Variants in LGR6 observed in about 807,000 individuals in gnomAD.
LGR6 encodes the protein leucine-rich repeat-containing G protein-coupled receptor 6.
A neutral mutation model predicts 69.4 loss-of-function variants in LGR6; 45 were observed. The ratio of observed to expected loss-of-function variants is 0.65; its 90% CI spans 0.51 to 0.83. LGR6 has a LOEUF of 0.83. Among genes scored for constraint, LGR6 ranks in the 40% least tolerant of loss-of-function variants. LGR6 has a pLI of 0.00. For synonymous variants in LGR6, 538 were observed against 555.0 expected (o/e 0.97, Z 0.43); for missense variants, 1,108 against 1,246.7 (o/e 0.89, Z 1.68).
chr1:202,301,149 A>G lies in LGR6; in HGVS notation c.858-15A>G, dbSNP rs769069124. ...CTGAAAAACCCAATTAGGTGTTTGG[A>G]CCTTCTTCTTCCAGACACTTTTATG... On this transcript the variant is annotated splice_polypyrimidine_tract_variant and intron_variant, in intron 8 of 17. Transcript: ENST00000367278. 6.2e-7 allele frequency: 1 copy of G among 1,613,680 alleles called. No individual in the cohort carries two copies. Among genetic ancestry groups the G allele is most frequent in the Non-Finnish European group, 8.5e-7 (1 of 1,179,626 alleles).
chr1:202,308,164 A>C (rs1653412069), intron 14 of LGR6, among the ~76,000 whole-genome samples: 1 of 152,196 alleles, frequency 6.6e-6, no homozygotes, highest in African/African-American at 2.4e-5. Flanking sequence ...AAGGCCCAGG[A>C]GGAGAAGTTT....
chr1:202,209,898 T>A (rs1262784217), intron 1 of LGR6, among the ~76,000 whole-genome samples: 2 of 152,168 alleles, frequency 1.3e-5, no homozygotes, highest in Non-Finnish European at 2.9e-5. Context: ...CACTCTCTAC[T>A]CCATCTCCTA....
intron 6 of LGR6, among the ~76,000 whole-genome samples, chr1:202,283,082 A>G (rs994449631): frequency 1.3e-5 from 2 of 152,226 alleles, no homozygotes; most frequent in Non-Finnish European, 2.9e-5. Context: ...CTAATCTTAC[A>G]GGGTTGGCCT....
intron 2 of LGR6, among the ~76,000 whole-genome samples, chr1:202,225,701 T>A (rs910344145): frequency 3.0e-5 from 4 of 134,968 alleles, no homozygotes; most frequent in African/African-American, 9.9e-5. Context: ...GTCTAGGATC[T>A]AGCTTTCATT....
At chr1:202,270,454 A>G (rs567528929) in intron 4 of LGR6, among the ~76,000 whole-genome samples, 4 of 151,510 alleles carry the variant, frequency 2.6e-5, no homozygotes, top group Admixed American at 2.6e-4. Flanking sequence ...GTTGGTCAGG[A>G]TGGTCTTGAA....
At chr1:202,234,842 A>C (rs888154905) in intron 3 of LGR6, among the ~76,000 whole-genome samples, 1 of 152,124 alleles carries the variant, frequency 6.6e-6, no homozygotes, top group African/African-American at 2.4e-5. Flanking sequence ...TCCCCCTCTG[A>C]AAGATGGATG....
chr1:202,197,018 T>C (rs763569785), intron 1 of LGR6: 8 of 532,986 alleles, frequency 1.5e-5, no homozygotes, highest in South Asian at 1.1e-4. Context: ...CACTTGGACA[T>C]GCAGGAAGTA....
At chr1:202,229,949 A>G (rs902025149) in intron 3 of LGR6, among the ~76,000 whole-genome samples, 2 of 152,222 alleles carry the variant, frequency 1.3e-5, no homozygotes, top group African/African-American at 2.4e-5. Context: ...TCTGATGTCA[A>G]TTTCCCTCGT....
At chr1:202,236,811 C>A (rs1661602647) in intron 4 of LGR6, among the ~76,000 whole-genome samples, 1 of 152,128 alleles carries the variant, frequency 6.6e-6, no homozygotes, top group Non-Finnish European at 1.5e-5. Context: ...GAAACTGAGT[C>A]ATAGTGGGCA....
chr1:202,284,187 G>A (rs993411140), intron 6 of LGR6, among the ~76,000 whole-genome samples: 18 of 152,292 alleles, frequency 1.2e-4, no homozygotes, highest in Admixed American at 5.9e-4. Flanking sequence ...TGACCTCGTA[G>A]GAAGGAAGCT....
At chr1:202,295,992 T>C (rs540017460) in intron 6 of LGR6, among the ~76,000 whole-genome samples, 53 of 152,234 alleles carry the variant, frequency 3.5e-4, no homozygotes, top group African/African-American at 1.3e-3. Context: ...TGGCTCTACC[T>C]GTGGACTATT....
chr1:202,283,988 G>C (rs1158688961), intron 6 of LGR6, among the ~76,000 whole-genome samples: 1 of 152,220 alleles, frequency 6.6e-6, no homozygotes, highest in East Asian at 1.9e-4. Flanking sequence ...CCTCAGAGAT[G>C]GGGAGAAAGT....
chr1:202,224,545 A>C (rs1244515614), intron 1 of LGR6, among the ~76,000 whole-genome samples: 1 of 152,138 alleles, frequency 6.6e-6, no homozygotes, highest in African/African-American at 2.4e-5. Flanking sequence ...ATTTTTTTCC[A>C]CGGACAGGGG....
intron 4 of LGR6, among the ~76,000 whole-genome samples, chr1:202,272,274 A>G (rs1469169944): frequency 6.6e-6 from 1 of 152,216 alleles, no homozygotes; most frequent in African/African-American, 2.4e-5. Flanking sequence ...TGGCAGTGCT[A>G]CCCTGGGTCC....
At chr1:202,209,111 C>T (rs1382813633) in intron 1 of LGR6, among the ~76,000 whole-genome samples, 3 of 152,120 alleles carry the variant, frequency 2.0e-5, no homozygotes, top group African/African-American at 7.2e-5. Context: ...CCTAGAGTCC[C>T]TCCTCCTTCC....
At chr1:202,203,417 C>T (rs1436950989) in intron 1 of LGR6, among the ~76,000 whole-genome samples, 1 of 152,192 alleles carries the variant, frequency 6.6e-6, no homozygotes, top group East Asian at 1.9e-4. Flanking sequence ...CGGTTGCCAT[C>T]AGCACACTGT....
At chr1:202,307,979 T>C (rs1653391605) in intron 14 of LGR6, among the ~76,000 whole-genome samples, 2 of 152,222 alleles carry the variant, frequency 1.3e-5, no homozygotes, top group South Asian at 4.1e-4. Flanking sequence ...CAAGCACTCC[T>C]GCCCAAGAGG....
chr1:202,314,991 C>T (rs1288402447), intron 17 of LGR6, 109 bp downstream of exon 17: 8 of 776,812 alleles, frequency 1.0e-5, no homozygotes, highest in Non-Finnish European at 1.8e-5. Flanking sequence ...CATTCTTTGC[C>T]TGACTCCCAG....
At chr1:202,248,403 T>G (rs1396529173) in intron 4 of LGR6, among the ~76,000 whole-genome samples, 3 of 152,210 alleles carry the variant, frequency 2.0e-5, no homozygotes, top group Non-Finnish European at 4.4e-5. Context: ...CTGTGACCAC[T>G]GCAACCAGAT....
Sources: allele counts gnomAD v4.1 joint callset (sites outside exome capture counted in the v4.1 genomes callset), GRCh38; gene constraint gnomAD v4.1.1; transcripts MANE v1.5; gene names NCBI Gene and HGNC (gene_info 2026-07-23, HGNC 2026-07-21).